Variants in CNTNAP2 observed in about 807,000 individuals in gnomAD.
The protein encoded by CNTNAP2 is contactin associated protein 2.
In CNTNAP2, 98 loss-of-function variants were observed where a neutral mutation model predicts 155.2. The observed-to-expected ratio is 0.63, with a 90% CI of 0.54 to 0.75. The LOEUF (loss-of-function observed/expected upper bound fraction) is 0.75, where lower values mean the gene tolerates loss of function less well. CNTNAP2 is among the 30% of genes least tolerant of loss of function. CNTNAP2 has a pLI of 0.00. For synonymous variants in CNTNAP2, 651 were observed against 631.2 expected, an observed-to-expected ratio of 1.03 and a Z score of -0.47; for missense variants, 1,727 against 1,688.1, an observed-to-expected ratio of 1.02 and a Z score of -0.40.
At chr7:147,729,610 G>A (rs1796706684) in intron 13 of CNTNAP2, among the ~76,000 whole-genome samples, 1 of 151,984 alleles carries the variant, frequency 6.6e-6, no homozygotes, top group Non-Finnish European at 1.5e-5. Flanking sequence ...AAAACTGTGT[G>A]GACCACAGGA....
intron 1 of CNTNAP2, among the ~76,000 whole-genome samples, chr7:146,621,434 C>A (rs2129156434): frequency 6.6e-6 from 1 of 152,276 alleles, no homozygotes; most frequent in East Asian, 1.9e-4. Context: ...ATCTAGCTCA[C>A]CATATTACAT....
At chr7:148,214,067 GC>G (rs1486978170) in intron 18 of CNTNAP2, among the ~76,000 whole-genome samples, 1 of 152,154 alleles carries the variant, frequency 6.6e-6, no homozygotes, top group African/African-American at 2.4e-5. Flanking sequence ...CCCACCTCTG[GC>G]CCTCCAGGTC....
At chr7:146,752,063 G>A (rs140166166) in intron 1 of CNTNAP2, among the ~76,000 whole-genome samples, 9 of 152,128 alleles carry the variant, frequency 5.9e-5, no homozygotes, top group African/African-American at 2.2e-4. Context: ...CTTTGTTATT[G>A]TAAATAGTGC....
chr7:148,166,904 C>G (rs1805677092), intron 17 of CNTNAP2, among the ~76,000 whole-genome samples: 1 of 151,956 alleles, frequency 6.6e-6, no homozygotes, highest in Admixed American at 6.6e-5. Context: ...TTCACTGATT[C>G]TAGTGCATTA....
intron 1 of CNTNAP2, among the ~76,000 whole-genome samples, chr7:146,634,841 TG>T (rs1357648485): frequency 6.6e-6 from 1 of 152,206 alleles, no homozygotes; most frequent in Non-Finnish European, 1.5e-5. Context: ...CAATGTTTTT[TG>T]TCACTCATTC....
chr7:147,194,433 T>C (rs1563110982), intron 8 of CNTNAP2, among the ~76,000 whole-genome samples: 2 of 152,170 alleles, frequency 1.3e-5, no homozygotes, highest in Non-Finnish European at 2.9e-5. Context: ...CTCTATTCTT[T>C]TGGGTATATA....
At chr7:147,425,471 T>A (rs1797363816) in intron 10 of CNTNAP2, among the ~76,000 whole-genome samples, 1 of 139,164 alleles carries the variant, frequency 7.2e-6, no homozygotes, top group South Asian at 2.1e-4. Context: ...CTCACTCAAC[T>A]CTCCTGAAAA....
intron 14 of CNTNAP2, among the ~76,000 whole-genome samples, chr7:147,915,757 G>C (rs566736772): frequency 2.0e-4 from 30 of 149,714 alleles, no homozygotes; most frequent in Admixed American, 5.4e-4. Context: ...TGGCGGGCGG[G>C]GGTGAAGAAG....
chr7:146,446,442 T>C (rs1796403519), intron 1 of CNTNAP2, among the ~76,000 whole-genome samples: 1 of 152,064 alleles, frequency 6.6e-6, no homozygotes, highest in South Asian at 2.1e-4. Flanking sequence ...AAAAAGAAAT[T>C]ATATTTGCAA....
chr7:146,266,799 A>G (rs1232574336), intron 1 of CNTNAP2, among the ~76,000 whole-genome samples: 1 of 152,146 alleles, frequency 6.6e-6, no homozygotes, highest in African/African-American at 2.4e-5. Context: ...TGATGGAAAA[A>G]AAAATGTTTG....
At chr7:148,415,031 T>C (rs2116728988) in intron 23 of CNTNAP2, 1 of 346,384 alleles carries the variant, frequency 2.9e-6, no homozygotes, top group Middle Eastern at 9.6e-4. Flanking sequence ...TGCTTTCTTG[T>C]GCTGCCCCTC....
chr7:148,085,229 G>T (rs1245621623), intron 15 of CNTNAP2, among the ~76,000 whole-genome samples: 3 of 152,150 alleles, frequency 2.0e-5, no homozygotes, highest in Admixed American at 1.3e-4. Flanking sequence ...ATACATCGAG[G>T]TCTAAAAATT....
chr7:146,558,767 C>T (rs1798235414), intron 1 of CNTNAP2, among the ~76,000 whole-genome samples: 1 of 152,186 alleles, frequency 6.6e-6, no homozygotes, highest in Non-Finnish European at 1.5e-5. Flanking sequence ...CCATATCTCT[C>T]CTGATCCCAC....
At chr7:148,145,923 C>T (rs1445350134) in intron 16 of CNTNAP2, among the ~76,000 whole-genome samples, 1 of 152,140 alleles carries the variant, frequency 6.6e-6, no homozygotes, top group Non-Finnish European at 1.5e-5. Flanking sequence ...CTCTCGCTAA[C>T]GACATGAAGG....
At chr7:148,002,619 C>T (rs1801917495) in intron 15 of CNTNAP2, among the ~76,000 whole-genome samples, 1 of 152,062 alleles carries the variant, frequency 6.6e-6, no homozygotes, top group African/African-American at 2.4e-5. Context: ...TTTAATTTTG[C>T]CCAAAACCTT....
In CNTNAP2 at chr7:148,130,109, G is replaced by A. The variant is rs56081367; in HGVS notation, c.2554+11821G>A. Among the ~76,000 whole-genome samples the A allele has an allele frequency of 9.4e-3, 1,430 of 152,234 alleles. 24 individuals carry two copies. Among genetic ancestry groups the A allele is most frequent in the African/African-American group, 0.032 (1,318 of 41,516 alleles). ...TGAAATCCATCATTTTCACTCAAAA[G>A]CCCCCTTCTGTGCTCCCACTTAGTT... On this transcript the variant is annotated intron_variant, in intron 16 of 23. Coordinates refer to ENST00000361727, the MANE Select transcript of CNTNAP2 (RefSeq NM_014141.6).
At chr7:147,274,021 A>G (rs1496552) in intron 8 of CNTNAP2, among the ~76,000 whole-genome samples, 5,144 of 150,482 alleles carry the variant, frequency 0.034, 120 homozygotes, top group Non-Finnish European at 0.052. Context: ...ATACACACAT[A>G]TATATAATAT....
At chr7:148,278,580 A>G (rs1160010834) in intron 21 of CNTNAP2, among the ~76,000 whole-genome samples, 1 of 151,794 alleles carries the variant, frequency 6.6e-6, no homozygotes, top group Non-Finnish European at 1.5e-5. Flanking sequence ...AAAAAAAAAA[A>G]AAAAAAAAGC....
At chr7:147,709,516 G>T (rs1393560869) in intron 13 of CNTNAP2, among the ~76,000 whole-genome samples, 4 of 152,152 alleles carry the variant, frequency 2.6e-5, no homozygotes, top group Non-Finnish European at 4.4e-5. Flanking sequence ...CATAAGGAAG[G>T]CAACAGCTTG....
Sources: gnomAD v4.1 joint callset for allele counts (sites outside exome capture counted in the v4.1 genomes callset) on GRCh38, gnomAD v4.1.1 for gene constraint, MANE v1.5 for transcripts, NCBI Gene and HGNC (gene_info 2026-07-23, HGNC 2026-07-21) for gene names.